The following ADGRV1 variants were observed in gnomAD, a reference collection of about 807,000 sequenced individuals.
ADGRV1 encodes the protein adhesion G protein-coupled receptor V1.
In ADGRV1, 359 loss-of-function variants were observed where a neutral mutation model predicts 596.2. The observed-to-expected ratio is 0.60, with a 90% CI of 0.55 to 0.66. The LOEUF (loss-of-function observed/expected upper bound fraction) is 0.66. Ranked by LOEUF, ADGRV1 falls within the 30% of genes least tolerant of loss-of-function variation. The pLI, the probability that ADGRV1 is intolerant of heterozygous loss-of-function variation, is 0.00. For missense variants in ADGRV1, 7,274 were observed against 7,575.6 expected (o/e 0.96, Z 1.48); for synonymous variants, 2,681 against 2,679.2 (o/e 1.00, Z -0.02).
At chr5:90,849,980 G>A (rs1416282117) in intron 79 of ADGRV1, among the ~76,000 whole-genome samples, 1 of 152,158 alleles carries the variant, frequency 6.6e-6, no homozygotes, top group Non-Finnish European at 1.5e-5. Flanking sequence ...GGATTTGAGT[G>A]AGGGCTTTTA....
chr5:90,965,524 T>C lies in ADGRV1; in HGVS notation c.17966T>C (p.Leu5989Pro). 6.3e-7 allele frequency: 1 copy of C among 1,597,268 alleles called. No individual in the cohort carries two copies. Among genetic ancestry groups the C allele is most frequent in the South Asian group, 1.1e-5 (1 of 90,452 alleles). Residue 5989 changes from leucine (L) to proline (P), a missense_variant, in exon 84 of 90, where the codon CTC becomes CCC. Physicochemically the swap from Leu to Pro is moderately conservative, Grantham distance 98. This residue lies in a region of ADGRV1 where 1,874 missense variants were observed against 1,970.2 expected (regional missense o/e 0.95). Coordinates refer to ENST00000405460, the MANE Select transcript of ADGRV1 (RefSeq NM_032119.4). ...TATCTTTGCCAGTTTAGCTGGATGCTCATTCAGGTTGGTACCTCATTCCCT... is the reference window on the plus strand; with the variant it reads ...TATCTTTGCCAGTTTAGCTGGATGCCCATTCAGGTTGGTACCTCATTCCCT... ...YLYLCQFSWMLIQSVNFWYVL... is the reference protein window; with the variant it reads ...YLYLCQFSWMPIQSVNFWYVL...
At chr5:90,668,317 C>T (rs1170245644) in intron 21 of ADGRV1, among the ~76,000 whole-genome samples, 3 of 152,160 alleles carry the variant, frequency 2.0e-5, no homozygotes, top group Non-Finnish European at 4.4e-5. Context: ...TCGTGGTGCG[C>T]CGTTTTTTAA....
At chr5:90,959,387 G>A (rs1286090515) in intron 83 of ADGRV1, among the ~76,000 whole-genome samples, 3 of 152,004 alleles carry the variant, frequency 2.0e-5, no homozygotes, top group Non-Finnish European at 4.4e-5. Flanking sequence ...TTCATGAGAT[G>A]CAAGAGTGGA....
chr5:91,154,910 G>A (rs541474072), intron 89 of ADGRV1, among the ~76,000 whole-genome samples: 189 of 152,254 alleles, frequency 1.2e-3, no homozygotes, highest in African/African-American at 4.3e-3. Context: ...CCCACCACAC[G>A]TGGAGAATGT....
chr5:91,088,403 T>G (rs561621993), intron 86 of ADGRV1, among the ~76,000 whole-genome samples: 58 of 152,256 alleles, frequency 3.8e-4, no homozygotes, highest in African/African-American at 1.3e-3. Flanking sequence ...TCACAGACTT[T>G]GTAACTGGAC....
intron 83 of ADGRV1, among the ~76,000 whole-genome samples, chr5:90,906,892 G>A (rs538364153): frequency 5.3e-5 from 8 of 152,130 alleles, no homozygotes; most frequent in South Asian, 4.2e-4. Context: ...CTCATGATCC[G>A]GACATGAATA....
chr5:91,013,899 A>G (rs576863215), intron 85 of ADGRV1, among the ~76,000 whole-genome samples: 187 of 152,034 alleles, frequency 1.2e-3, no homozygotes, highest in Non-Finnish European at 2.2e-3. Context: ...GTAAGGAAGC[A>G]GTCCAGCTTC....
intron 87 of ADGRV1, among the ~76,000 whole-genome samples, chr5:91,104,860 C>CTTTTTTTTTTTTTTTTTTTT (rs60957930): frequency 3.2e-5 from 4 of 125,994 alleles, no homozygotes; most frequent in Admixed American, 8.7e-5. Context: ...CTTTTCTTTT[C>CTTTTTTTTTTTTTTTTTTTT]TTTTTTTTTT....
intron 1 of ADGRV1, among the ~76,000 whole-genome samples, chr5:90,586,952 T>TTA (rs1758831329): frequency 3.3e-5 from 5 of 152,234 alleles, no homozygotes; most frequent in African/African-American, 1.2e-4. Flanking sequence ...GGCTATTTGG[T>TTA]TACCTGGAAA....
At position 90,811,029 on chromosome 5, in the gene ADGRV1, A is replaced by G. The variant is rs184829061; in HGVS notation, c.15769A>G (p.Ile5257Val). 6.8e-6 allele frequency: 11 copies of G among 1,614,048 alleles called. No individual in the cohort carries two copies. Among genetic ancestry groups the G allele is most frequent in the African/African-American group, 6.7e-5 (5 of 75,074 alleles). The change falls in exon 74 of 90, where the codon ATA (isoleucine) becomes GTA (valine). Residue 5257 changes from isoleucine to valine, a missense_variant. Coordinates refer to ENST00000405460, the MANE Select transcript of ADGRV1 (RefSeq NM_032119.4). Reference protein sequence around the residue: ...RTGGFTGNVSITVKTFGERCA... With the variant: ...RTGGFTGNVSVTVKTFGERCA... ...TGGTGGGTTTACTGGCAATGTCAGC[A>G]TAACAGTTAAAACTTTCGGTGAAAG...
In ADGRV1 at chr5:90,854,101, C is replaced by T. The variant is rs752432413; in HGVS notation, c.17494C>T (p.Leu5832=). 5 of 1,585,046 alleles carry T rather than the reference C, an allele frequency of 3.2e-6. No homozygotes were observed. Among genetic ancestry groups the T allele is most frequent in the Non-Finnish European group, 4.3e-6 (5 of 1,162,300 alleles). The change falls in exon 81 of 90, where the codon CTG becomes TTG. Residue 5832 remains leucine, a synonymous_variant. Transcript: ENST00000405460. ...TGTGAAAGGTCAGAGTTCACAACTC[C>T]TGACTAATGACAATGAGGTTCTCTA... The part of the protein sequence containing the change: ...LSVKGQSSQL[L]TNDNEVLYRI...
rs1488201301 is a variant in ADGRV1, at chr5:90,884,042, A to G, written c.17856+20185A>G. 1.1e-4 allele frequency among the ~76,000 whole-genome samples: 16 copies of G among 152,302 alleles called. No homozygotes were observed. The East Asian group carries it at 1.7e-3, about 17-fold the overall frequency. On this transcript the variant is annotated intron_variant, in intron 83 of 89. Coordinates refer to ENST00000405460, the MANE Select transcript of ADGRV1 (RefSeq NM_032119.4). ...ATCACATTCATAGAACTAAATTACTATCATGCACATTAACATTACTGGCAT... is the reference window on the plus strand; with the variant it reads ...ATCACATTCATAGAACTAAATTACTGTCATGCACATTAACATTACTGGCAT...
chr5:90,668,021 G>C (rs1444589510), intron 21 of ADGRV1, among the ~76,000 whole-genome samples: 2 of 151,900 alleles, frequency 1.3e-5, no homozygotes, highest in East Asian at 3.9e-4. Context: ...AAAGCTGTCA[G>C]ACAGGGACAT....
chr5:90,617,879 A>G lies in ADGRV1; in HGVS notation c.283A>G (p.Thr95Ala). The change falls in exon 3 of 90, where the codon ACA becomes GCA. Residue 95 changes from threonine to alanine, a missense_variant. By Grantham distance (58) the Thr-to-Ala change is moderately conservative. This residue lies in a region of ADGRV1 where 1,715 missense variants were observed against 1,708.8 expected (regional missense o/e 1.00). Transcript: ENST00000405460. ...TATACCTGCCGGAGAAACAAACAGAACAGTGTACATAGCAGTATGTGATGA... is the reference window on the plus strand; with the variant it reads ...TATACCTGCCGGAGAAACAAACAGAGCAGTGTACATAGCAGTATGTGATGA... ...AFIPAGETNR[T>A]VYIAVCDDDL... 3 of 1,598,898 alleles carry G rather than the reference A, an allele frequency of 1.9e-6. No homozygotes were observed. Among genetic ancestry groups the G allele is most frequent in the Non-Finnish European group, 2.6e-6 (3 of 1,171,656 alleles).
intron 83 of ADGRV1, among the ~76,000 whole-genome samples, chr5:90,883,065 G>A (rs1581412029): frequency 1.3e-5 from 2 of 152,146 alleles, no homozygotes; most frequent in East Asian, 3.9e-4. Context: ...AAAGTTTAGG[G>A]TTGGAACATA....
At chr5:90,961,261 G>A (rs1777983441) in intron 83 of ADGRV1, among the ~76,000 whole-genome samples, 1 of 152,106 alleles carries the variant, frequency 6.6e-6, no homozygotes, top group Non-Finnish European at 1.5e-5. Context: ...AGCACTTTGG[G>A]AGGCCGAAGC....
At chr5:90,600,460 C>T (rs571739583) in intron 1 of ADGRV1, among the ~76,000 whole-genome samples, 188 of 152,270 alleles carry the variant, frequency 1.2e-3, no homozygotes, top group African/African-American at 4.4e-3. Flanking sequence ...CAGCTTCATC[C>T]GTGTCCCTGC....
chr5:90,669,221 C>A (rs1001596909), intron 21 of ADGRV1, among the ~76,000 whole-genome samples: 3 of 152,200 alleles, frequency 2.0e-5, no homozygotes, highest in Non-Finnish European at 2.9e-5. Context: ...GCATGAAAAT[C>A]CTGATGTAGA....
At chr5:91,161,690 T>C (rs1796966646) in intron 89 of ADGRV1, among the ~76,000 whole-genome samples, 1 of 152,190 alleles carries the variant, frequency 6.6e-6, no homozygotes, top group Non-Finnish European at 1.5e-5. Context: ...GGCTTATGTA[T>C]ACATTGTAGA....
Sources: allele counts gnomAD v4.1 joint callset (sites outside exome capture counted in the v4.1 genomes callset), GRCh38; gene constraint gnomAD v4.1.1; regional missense constraint gnomAD v4.1.1; transcripts MANE v1.5; gene names NCBI Gene and HGNC (gene_info 2026-07-23, HGNC 2026-07-21).